The following SESN1 variants were observed in gnomAD, a reference collection of about 807,000 sequenced individuals.
SESN1 encodes the protein sestrin-1.
SESN1 carries 30 observed loss-of-function variants against 59.3 expected under a neutral mutation model. That is an observed-to-expected ratio of 0.51 (90% CI 0.38 to 0.69). The LOEUF is 0.69. Among genes scored for constraint, SESN1 ranks in the 30% least tolerant of loss-of-function variants. The probability of loss-of-function intolerance (pLI) is 0.00; values close to 1 mark genes in which losing one functional copy is unlikely to be tolerated. For missense variants in SESN1, 566 were observed against 673.0 expected (o/e 0.84, Z 1.76); for synonymous variants, 197 against 219.9 (o/e 0.90, Z 0.92).
At chr6:109,037,529 A>G (rs1201021994) in intron 1 of SESN1, among the ~76,000 whole-genome samples, 1 of 152,228 alleles carries the variant, frequency 6.6e-6, no homozygotes, top group African/African-American at 2.4e-5. Flanking sequence ...ATGTGATGTA[A>G]TAATTACAGA....
intron 1 of SESN1, among the ~76,000 whole-genome samples, chr6:109,059,148 C>T (rs1388623707): frequency 6.6e-6 from 1 of 151,684 alleles, no homozygotes; most frequent in South Asian, 2.1e-4. Flanking sequence ...AACATTTAAC[C>T]AACCTGAGGA....
rs60743205 is a variant in SESN1 at position 108,987,518 on chromosome 6, G to C, written c.*26C>G. ...TAGACTATATCTGCTGATCATTCCA[G>C]AATCATCTTTAATGAAGGAAAGGCA... is the stretch of plus-strand genomic sequence containing the variant. On this transcript the variant is annotated 3_prime_UTR_variant, in exon 10 of 10. Coordinates refer to ENST00000436639, the MANE Select transcript of SESN1 (RefSeq NM_014454.3). The C allele has an allele frequency of 1.3e-3, 1,772 of 1,333,058 alleles. 18 individuals are homozygous for C. The African/African-American group carries it at 0.023, about 17-fold the overall frequency. The allele number at this position is 1,333,058 out of a possible 1,614,324, so 82.6% of individuals were successfully genotyped here. A position where few individuals can be genotyped will look rare whatever the true frequency, so the allele number is the denominator to read the frequency against.
At position 109,094,118 on chromosome 6, in the gene SESN1, C is replaced by T; in HGVS notation, c.-45G>A. The T allele has an allele frequency of 1.3e-6, 2 of 1,539,842 alleles. No homozygotes were observed. Among genetic ancestry groups the T allele is most frequent in the South Asian group, 1.2e-5 (1 of 82,786 alleles). On this transcript the variant is annotated 5_prime_UTR_variant, in exon 1 of 10. Transcript: ENST00000436639. ...CGGTCTTCAGTTACCTTTCAGCATG[C>T]CCCAAAAAAATTGCTTTGTATTTTT...
chr6:109,064,595 G>GAGGGA (rs1562472199), intron 1 of SESN1, among the ~76,000 whole-genome samples: 31 of 4,618 alleles, frequency 6.7e-3, no homozygotes, highest in African/African-American at 0.048. Context: ...GAGGAGAGGG[G>GAGGGA]AGGGGAGGGG....
At chr6:109,027,347 T>G (rs765835759) in intron 1 of SESN1, among the ~76,000 whole-genome samples, 1 of 150,950 alleles carries the variant, frequency 6.6e-6, no homozygotes, top group Non-Finnish European at 1.5e-5. Context: ...CTTGGTGGCA[T>G]GTGCCTGTAA....
chr6:109,091,263 TG>T (rs1583303228), intron 1 of SESN1, among the ~76,000 whole-genome samples: 1 of 152,178 alleles, frequency 6.6e-6, no homozygotes, highest in African/African-American at 2.4e-5. Context: ...TGTACGGGTT[TG>T]TAGCCTAGAA....
chr6:109,023,850 T>C (rs1393248371), intron 1 of SESN1, among the ~76,000 whole-genome samples: 1 of 152,208 alleles, frequency 6.6e-6, no homozygotes, highest in African/African-American at 2.4e-5. Context: ...ATAATCATTA[T>C]TAAAGTCACT....
chr6:109,060,654 G>A (rs1780716656), intron 1 of SESN1, among the ~76,000 whole-genome samples: 1 of 152,120 alleles, frequency 6.6e-6, no homozygotes, highest in Non-Finnish European at 1.5e-5. Context: ...ACTATAATTA[G>A]TGCAGCATCT....
At chr6:109,073,492 G>C (rs1389231598) in intron 1 of SESN1, among the ~76,000 whole-genome samples, 1 of 152,054 alleles carries the variant, frequency 6.6e-6, no homozygotes, top group Non-Finnish European at 1.5e-5. Context: ...TTGCAAACCC[G>C]TCTTCTCCTA....
At chr6:109,064,078 A>G (rs1472308751) in intron 1 of SESN1, among the ~76,000 whole-genome samples, 1 of 152,170 alleles carries the variant, frequency 6.6e-6, no homozygotes, top group African/African-American at 2.4e-5. Context: ...ATTAACAATG[A>G]ACGGTAAAAT....
chr6:109,031,329 CTG>C (rs1207684654), intron 1 of SESN1, among the ~76,000 whole-genome samples: 1 of 152,174 alleles, frequency 6.6e-6, no homozygotes, highest in Non-Finnish European at 1.5e-5. Flanking sequence ...AAAGCAGTGA[CTG>C]TGCATGAGAA....
chr6:109,064,570 G>C lies in SESN1; in HGVS notation c.279+29225C>G, dbSNP rs1420097547. 2.8e-5 allele frequency among the ~76,000 whole-genome samples: 3 copies of C among 107,106 alleles called. No homozygotes were observed. In the East Asian group the frequency reaches 8.9e-4, roughly 32 times the overall value. The allele number at this position is 107,106 out of a possible 152,430, so 70.3% of individuals were successfully genotyped here. Reference sequence around the variant, plus strand: ...TCAAATGAAAGAAGAGAAGAGAGGAGGGGAGAGGAGAGGAGAGGAGAGGGG... The same window carrying C: ...TCAAATGAAAGAAGAGAAGAGAGGACGGGAGAGGAGAGGAGAGGAGAGGGG... On this transcript the variant is annotated intron_variant, in intron 1 of 9. Coordinates refer to ENST00000436639, the MANE Select transcript of SESN1 (RefSeq NM_014454.3).
At position 108,987,461 on chromosome 6, in the gene SESN1, A is replaced by G. The variant is rs946149934; in HGVS notation, c.*83T>C. On this transcript the variant is annotated 3_prime_UTR_variant, in exon 10 of 10. Coordinates refer to ENST00000436639, the MANE Select transcript of SESN1 (RefSeq NM_014454.3). ...GGATTTCTGAATTATTTTGTCTACCATTGGTCCTGGGGCTTAGTACCTTCC... is the reference window on the plus strand; with the variant it reads ...GGATTTCTGAATTATTTTGTCTACCGTTGGTCCTGGGGCTTAGTACCTTCC... 2 of 659,292 alleles carry G rather than the reference A, an allele frequency of 3.0e-6. No individual in the cohort carries two copies. Among genetic ancestry groups the G allele is most frequent in the Non-Finnish European group, 5.2e-6 (2 of 384,250 alleles). 40.8% of individuals were successfully genotyped at this position (659,292 alleles called of 1,614,324 possible).
At position 108,987,500 on chromosome 6, in the gene SESN1, T is replaced by C. The variant is rs1410082318; in HGVS notation, c.*44A>G. On this transcript the variant is annotated 3_prime_UTR_variant, in exon 10 of 10. Transcript: ENST00000436639. ...TTAGTACCTTCCCCCTTGTAGACTATATCTGCTGATCATTCCAGAATCATC... is the reference window on the plus strand; with the variant it reads ...TTAGTACCTTCCCCCTTGTAGACTACATCTGCTGATCATTCCAGAATCATC... The C allele has an allele frequency of 4.5e-6, 5 of 1,099,776 alleles. No individual in the cohort carries two copies. The highest frequency in any genetic ancestry group is 6.9e-6 in the Non-Finnish European group (5 of 719,448). 68.1% of individuals were successfully genotyped at this position (1,099,776 alleles called of 1,614,324 possible).
intron 1 of SESN1, among the ~76,000 whole-genome samples, chr6:109,090,083 T>C (rs1181109544): frequency 6.6e-6 from 1 of 152,242 alleles, no homozygotes; most frequent in East Asian, 1.9e-4. Context: ...CAGGCATACC[T>C]AACATTAACT....
chr6:109,009,255 C>T, intron 1 of SESN1: 4 of 1,080,138 alleles, frequency 3.7e-6, no homozygotes, highest in South Asian at 2.4e-5. Flanking sequence ...TGACCGGGAG[C>T]GACTGTGAGG....
intron 1 of SESN1, among the ~76,000 whole-genome samples, chr6:109,063,234 G>C (rs756613689): frequency 1.2e-4 from 19 of 152,004 alleles, no homozygotes; most frequent in Non-Finnish European, 2.4e-4. Flanking sequence ...GAAGAGGAGA[G>C]GGAAACTGCC....
chr6:109,033,743 G>A (rs961060398), intron 1 of SESN1, among the ~76,000 whole-genome samples: 1 of 152,182 alleles, frequency 6.6e-6, no homozygotes, highest in East Asian at 1.9e-4. Flanking sequence ...GCAAGTTACT[G>A]TATGACAGTG....
chr6:109,045,030 A>C (rs1780404125), intron 1 of SESN1, among the ~76,000 whole-genome samples: 1 of 151,968 alleles, frequency 6.6e-6, no homozygotes, highest in Admixed American at 6.6e-5. Context: ...TTTCAAAAAA[A>C]AAAAAGCTGA....
Sources: allele counts gnomAD v4.1 joint callset (sites outside exome capture counted in the v4.1 genomes callset), GRCh38; gene constraint gnomAD v4.1.1; transcripts MANE v1.5; gene names NCBI Gene and HGNC (gene_info 2026-07-23, HGNC 2026-07-21).